The following CCSER1 variants were observed in gnomAD, a reference collection of about 807,000 sequenced individuals.
CCSER1 encodes coiled-coil serine rich protein 1, also known as serine-rich coiled-coil domain-containing protein 1.
In CCSER1, 41 loss-of-function variants were observed where a neutral mutation model predicts 82.0. That is an observed-to-expected ratio of 0.50 (90% CI 0.39 to 0.65). The LOEUF (loss-of-function observed/expected upper bound fraction) is 0.65, where lower values mean the gene tolerates loss of function less well. Ranked by LOEUF, CCSER1 falls within the 30% of genes least tolerant of loss-of-function variation. The probability of loss-of-function intolerance (pLI) is 0.00; values close to 1 mark genes in which losing one functional copy is unlikely to be tolerated. For missense variants in CCSER1, 1,119 were observed against 1,064.2 expected (o/e 1.05, Z -0.72); for synonymous variants, 414 against 383.9 (o/e 1.08, Z -0.92).
intron 6 of CCSER1, among the ~76,000 whole-genome samples, chr4:90,684,084 C>G (rs1734374917): frequency 6.6e-6 from 1 of 152,074 alleles, no homozygotes; most frequent in African/African-American, 2.4e-5. Context: ...CTCACATCAC[C>G]TTTCAAAATT....
intron 6 of CCSER1, among the ~76,000 whole-genome samples, chr4:90,643,455 T>C (rs1160311551): frequency 6.6e-6 from 1 of 150,422 alleles, no homozygotes; most frequent in Non-Finnish European, 1.5e-5. Flanking sequence ...GAATATACAG[T>C]CTAAATCTTA....
intron 3 of CCSER1, among the ~76,000 whole-genome samples, chr4:90,317,749 C>T (rs1736436045): frequency 1.3e-5 from 2 of 152,244 alleles, no homozygotes; most frequent in South Asian, 4.1e-4. Context: ...TGTTCAATGT[C>T]TCCTCCTCCT....
intron 9 of CCSER1, among the ~76,000 whole-genome samples, chr4:91,060,253 A>G (rs545472575): frequency 2.0e-5 from 3 of 152,212 alleles, no homozygotes; most frequent in East Asian, 3.9e-4. Context: ...AGCACTAGAC[A>G]TTATCAAGTG....
At chr4:91,571,501 A>G (rs1763181832) in intron 10 of CCSER1, among the ~76,000 whole-genome samples, 1 of 152,196 alleles carries the variant, frequency 6.6e-6, no homozygotes, top group African/African-American at 2.4e-5. Context: ...CAATCATGTC[A>G]GAAGGCACCT....
At chr4:91,502,632 A>G (rs183016138) in intron 10 of CCSER1, among the ~76,000 whole-genome samples, 250 of 152,342 alleles carry the variant, frequency 1.6e-3, no homozygotes, top group Admixed American at 2.9e-3. Flanking sequence ...CCAATTATTC[A>G]TCATTAAGCC....
rs1739419787 is a variant in CCSER1 at position 91,016,230 on chromosome 4, T to C, written c.2173-69720T>C. 2.0e-5 allele frequency among the ~76,000 whole-genome samples: 3 copies of C among 152,014 alleles called. No homozygotes were observed. In the South Asian group the frequency reaches 6.2e-4, roughly 31 times the overall value. On this transcript the variant is annotated intron_variant, in intron 9 of 10. Coordinates refer to ENST00000509176, the MANE Select transcript of CCSER1 (RefSeq NM_001145065.2). ...GTACTTTTTATCTTTTCAAAATTAA[T>C]ATTAACAAAATAAATTTAATCTCAG...
At chr4:90,998,623 C>A (rs1737716479) in intron 9 of CCSER1, among the ~76,000 whole-genome samples, 1 of 151,938 alleles carries the variant, frequency 6.6e-6, no homozygotes. Context: ...TGAAAATAAA[C>A]CTTAATATTT....
chr4:91,248,009 A>G (rs1739943293), intron 10 of CCSER1, among the ~76,000 whole-genome samples: 1 of 152,178 alleles, frequency 6.6e-6, no homozygotes, highest in Non-Finnish European at 1.5e-5. Flanking sequence ...GCCAGAAACT[A>G]AGGGCGTGTT....
chr4:90,691,169 A>G (rs1039718397), intron 6 of CCSER1, among the ~76,000 whole-genome samples: 1 of 152,070 alleles, frequency 6.6e-6, no homozygotes, highest in Non-Finnish European at 1.5e-5. Context: ...CAAGTTTATT[A>G]ATAAGGTAGA....
chr4:90,214,680 T>G (rs748855602), intron 1 of CCSER1, among the ~76,000 whole-genome samples: 9 of 152,190 alleles, frequency 5.9e-5, no homozygotes, highest in Non-Finnish European at 1.2e-4. Context: ...TTTCTGCTAA[T>G]TCAGTCCTAG....
intron 5 of CCSER1, among the ~76,000 whole-genome samples, chr4:90,619,197 C>T (rs994631986): frequency 2.0e-5 from 3 of 151,966 alleles, no homozygotes; most frequent in East Asian, 3.9e-4. Context: ...TCAGTATCAT[C>T]GTGAAATAAT....
intron 1 of CCSER1, among the ~76,000 whole-genome samples, chr4:90,238,815 C>G (rs1746292182): frequency 6.6e-6 from 1 of 151,320 alleles, no homozygotes; most frequent in Non-Finnish European, 1.5e-5. Context: ...TGAAAACAGT[C>G]TTTTTAAAAT....
chr4:90,683,990 T>A (rs1038466041), intron 6 of CCSER1, among the ~76,000 whole-genome samples: 3 of 152,194 alleles, frequency 2.0e-5, no homozygotes, highest in African/African-American at 7.2e-5. Context: ...TGCCTTCCCA[T>A]GGCTTCAAGC....
chr4:91,456,293 G>A (rs1292339337), intron 10 of CCSER1, among the ~76,000 whole-genome samples: 1 of 151,918 alleles, frequency 6.6e-6, no homozygotes, highest in Non-Finnish European at 1.5e-5. Flanking sequence ...ACCTCCCAAA[G>A]GTCTCATTTC....
intron 5 of CCSER1, among the ~76,000 whole-genome samples, chr4:90,550,001 G>C (rs1777255532): frequency 6.6e-6 from 1 of 151,558 alleles, no homozygotes; most frequent in Admixed American, 6.6e-5. Flanking sequence ...GATTATTGTG[G>C]TGACAAGAAC....
chr4:91,574,343 T>G (rs1000720357), intron 10 of CCSER1, among the ~76,000 whole-genome samples: 2 of 152,064 alleles, frequency 1.3e-5, no homozygotes, highest in African/African-American at 4.8e-5. Flanking sequence ...GTGTGTACAT[T>G]TCTCAAGAAC....
At chr4:91,008,704 G>T (rs1738732471) in intron 9 of CCSER1, among the ~76,000 whole-genome samples, 1 of 152,132 alleles carries the variant, frequency 6.6e-6, no homozygotes, top group Non-Finnish European at 1.5e-5. Flanking sequence ...TATTTTCAAA[G>T]TAATTATTGA....
intron 1 of CCSER1, among the ~76,000 whole-genome samples, chr4:90,186,204 C>CCCAG (rs918620224): frequency 2.6e-5 from 4 of 151,806 alleles, no homozygotes; most frequent in African/African-American, 9.7e-5. Context: ...TGCTCTAGGT[C>CCCAG]CCAGGCACAT....
chr4:90,820,012 T>A (rs557998617), intron 8 of CCSER1, among the ~76,000 whole-genome samples: 2 of 152,314 alleles, frequency 1.3e-5, no homozygotes, highest in East Asian at 3.9e-4. Flanking sequence ...GCATGGAACA[T>A]CTACTCCCAA....
Sources: gnomAD v4.1 joint callset for allele counts (sites outside exome capture counted in the v4.1 genomes callset) on GRCh38, gnomAD v4.1.1 for gene constraint, MANE v1.5 for transcripts, NCBI Gene and HGNC (gene_info 2026-07-23, HGNC 2026-07-21) for gene names.